OR10Z1: variants seen among roughly 807,000 people sequenced by gnomAD.
OR10Z1 encodes olfactory receptor 10Z1.
For missense variants in OR10Z1, 468 were observed against 371.0 expected (o/e 1.26, Z -2.15); for synonymous variants, 187 against 151.2 (o/e 1.24, Z -1.74).
At position 158,611,252 on chromosome 1, in the gene OR10Z1, A is replaced by C; in HGVS notation, c.*3872A>C. 2 of 1,613,344 alleles carry C rather than the reference A, an allele frequency of 1.2e-6. No homozygotes were observed. Among genetic ancestry groups the C allele is most frequent in the Non-Finnish European group, 1.7e-6 (2 of 1,179,542 alleles). ...ACACTAAGATTTTCTACGATCCACGAGGAGCTGCTTATTAGTTGCCAAAGT... is the reference window on the plus strand; with the variant it reads ...ACACTAAGATTTTCTACGATCCACGCGGAGCTGCTTATTAGTTGCCAAAGT... On this transcript the variant is annotated 3_prime_UTR_variant, in exon 2 of 2. Coordinates refer to ENST00000641002, the MANE Select transcript of OR10Z1 (RefSeq NM_001004478.2).
In OR10Z1 at chr1:158,606,445, C is replaced by T; in HGVS notation, c.7C>T (p.Gln3Ter). The change falls in exon 2 of 2, where the codon CAG (glutamine) becomes TAG (stop). Residue 3 changes from glutamine (Q) to a stop codon, truncating the protein, a stop_gained. Coordinates refer to ENST00000641002, the MANE Select transcript of OR10Z1 (RefSeq NM_001004478.2). LOFTEE classifies it low-confidence loss of function (END_TRUNC). Reference sequence around the variant, plus strand: ...CAGGGATATACCTCTCAGAATGGGGCAGACCAACGTAACCTCCTGGAGGGA... The same window carrying T: ...CAGGGATATACCTCTCAGAATGGGGTAGACCAACGTAACCTCCTGGAGGGA... MG[Q>*]TNVTSWRDFV... The T allele has an allele frequency of 6.2e-7, 1 of 1,610,056 alleles. No homozygotes were observed. Among genetic ancestry groups the T allele is most frequent in the Non-Finnish European group, 8.5e-7 (1 of 1,177,110 alleles).
chr1:158,608,409 A>C lies in OR10Z1; in HGVS notation c.*1029A>C, dbSNP rs1054730632. On this transcript the variant is annotated 3_prime_UTR_variant, in exon 2 of 2. Transcript: ENST00000641002. ...TTCAACTTACTAGCTGTGTGACTCT[A>C]GGTAAGTTATTTAACATTTTTTTCA... is the stretch of plus-strand genomic sequence containing the variant. 2.0e-5 allele frequency: 3 copies of C among 152,014 alleles called. No individual in the cohort carries two copies. Among genetic ancestry groups the C allele is most frequent in the Non-Finnish European group, 4.4e-5 (3 of 68,020 alleles). The allele number at this position is 152,014 out of a possible 1,614,324, so 9.4% of individuals were successfully genotyped here.
chr1:158,606,301 T>A, intron 1 of OR10Z1, 25 bp from the exon 2 acceptor site: 2 of 624,596 alleles, frequency 3.2e-6, no homozygotes, highest in Non-Finnish European at 5.7e-6. Context: ...TTGAGTAGAG[T>A]CTAAATCAGA....
At position 158,606,510 on chromosome 1, in the gene OR10Z1, G is replaced by A. The variant is rs368624732; in HGVS notation, c.72G>A (p.Gln24=). 5.7e-5 allele frequency: 92 copies of A among 1,613,844 alleles called. No individual in the cohort carries two copies. Among genetic ancestry groups the A allele is most frequent in the Non-Finnish European group, 7.5e-5 (89 of 1,179,914 alleles). ...GCTTCTCCAGTTCTGGGGAGTTGCA[G>A]CTCCTTCTCTTTGCCTTGTTCCTCT... is the stretch of plus-strand genomic sequence containing the variant. The part of the protein sequence containing the change: ...FLGFSSSGEL[Q]LLLFALFLSL... Residue 24 remains glutamine (Q), a synonymous_variant, in exon 2 of 2, where the codon CAG becomes CAA. Coordinates refer to ENST00000641002, the MANE Select transcript of OR10Z1 (RefSeq NM_001004478.2).
chr1:158,605,895 A>T (rs748660532), intron 1 of OR10Z1, among the ~76,000 whole-genome samples: 6 of 152,180 alleles, frequency 3.9e-5, no homozygotes, highest in Non-Finnish European at 7.4e-5. Flanking sequence ...GTGTGTCCAT[A>T]TGTGTATTCT....
Position 158,607,593 on chromosome 1 carries a change from C to A in OR10Z1, c.*213C>A. ...CTCACTGTGCACAACTCAAAATGAG[C>A]CCAAAATCTGAATTTTAACTTTCAG... On this transcript the variant is annotated 3_prime_UTR_variant, in exon 2 of 2. Transcript: ENST00000641002. 7.1e-6 allele frequency: 3 copies of A among 419,912 alleles called. No individual in the cohort carries two copies. The highest frequency in any genetic ancestry group is 3.9e-5 in the Admixed American group (1 of 25,668). The allele number at this position is 419,912 out of a possible 1,614,324, so 26.0% of individuals were successfully genotyped here. A position where few individuals can be genotyped will look rare whatever the true frequency, so the allele number is the denominator to read the frequency against.
chr1:158,606,431 C>A lies in OR10Z1; in HGVS notation c.-8C>A. On this transcript the variant is annotated 5_prime_UTR_variant, in exon 2 of 2. Transcript: ENST00000641002. ...ATCAACAAATCTATCAGGGATATAC[C>A]TCTCAGAATGGGGCAGACCAACGTA... The A allele has an allele frequency of 1.3e-6, 2 of 1,589,794 alleles. No homozygotes were observed. Among genetic ancestry groups the A allele is most frequent in the Non-Finnish European group, 8.6e-7 (1 of 1,160,570 alleles).
rs1343315476 is a variant in OR10Z1, at chr1:158,607,150, T to G, written c.712T>G (p.Phe238Val). The G allele has an allele frequency of 9.3e-6, 15 of 1,614,080 alleles. No homozygotes were observed. The highest frequency in any genetic ancestry group is 1.1e-5 in the Non-Finnish European group (13 of 1,179,974). Reference sequence around the variant, plus strand: ...CTCTGCTGAGGGGCAGAAGAAGGCCTTCTCCACTTGTGCCTCGCACCTTAC... The same window carrying G: ...CTCTGCTGAGGGGCAGAAGAAGGCCGTCTCCACTTGTGCCTCGCACCTTAC... ...IPSAEGQKKAFSTCASHLTVV... is the reference protein window; with the variant it reads ...IPSAEGQKKAVSTCASHLTVV... Residue 238 changes from phenylalanine to valine, a missense_variant, in exon 2 of 2, where the codon TTC (phenylalanine) becomes GTC (valine). By Grantham distance (50) the Phe-to-Val change is conservative. Transcript: ENST00000641002.
chr1:158,608,450 C>T lies in OR10Z1; in HGVS notation c.*1070C>T, dbSNP rs1649117993. ...ATTTTTTTCAGCTTCCGAGTCTTATCTTTACAATGGTTGGTGACTAAACAG... is the reference window on the plus strand; with the variant it reads ...ATTTTTTTCAGCTTCCGAGTCTTATTTTTACAATGGTTGGTGACTAAACAG... On this transcript the variant is annotated 3_prime_UTR_variant, in exon 2 of 2. Transcript: ENST00000641002. 6.6e-6 allele frequency: 1 copy of T among 152,056 alleles called. No individual in the cohort carries two copies. Among genetic ancestry groups the T allele is most frequent in the Admixed American group, 6.6e-5 (1 of 15,252 alleles). The allele number at this position is 152,056 out of a possible 1,614,324, so 9.4% of individuals were successfully genotyped here.
rs1649165542 is a variant in OR10Z1, at chr1:158,609,972, C to T, written c.*2592C>T. 6.6e-6 allele frequency: 1 copy of T among 152,112 alleles called. No individual in the cohort carries two copies. The highest frequency in any genetic ancestry group is 1.5e-5 in the Non-Finnish European group (1 of 68,014). 9.4% of individuals were successfully genotyped at this position (152,112 alleles called of 1,614,324 possible). On this transcript the variant is annotated 3_prime_UTR_variant, in exon 2 of 2. Coordinates refer to ENST00000641002, the MANE Select transcript of OR10Z1 (RefSeq NM_001004478.2). Reference sequence around the variant, plus strand: ...TAATTTTCGATGGCCTATATCTTTTCTAACTGTACTATTTTTGGTAACTTA... The same window carrying T: ...TAATTTTCGATGGCCTATATCTTTTTTAACTGTACTATTTTTGGTAACTTA...
Position 158,611,738 on chromosome 1 carries a change from C to A in OR10Z1, c.*4358C>A. On this transcript the variant is annotated 3_prime_UTR_variant, in exon 2 of 2. Transcript: ENST00000641002. ...GGCTGCTTTGAGATGTGGGGACTAG[C>A]ATGTTTTATGAGTAAGGTAAAATAC... 1 of 260,242 alleles carries A rather than the reference C, an allele frequency of 3.8e-6. No individual in the cohort carries two copies. Among genetic ancestry groups the A allele is most frequent in the Non-Finnish European group, 7.5e-6 (1 of 133,184 alleles). 16.1% of individuals were successfully genotyped at this position (260,242 alleles called of 1,614,324 possible). A position where few individuals can be genotyped will look rare whatever the true frequency, so the allele number is the denominator to read the frequency against.
At position 158,606,707 on chromosome 1, in the gene OR10Z1, A is replaced by T. The variant is rs1649059269; in HGVS notation, c.269A>T (p.Gln90Leu). ...CTCTCTGGCCTGGCTGGGGGGGACCAGGCTATCTCCTATGTGGGCTGTGCT... is the reference window on the plus strand; with the variant it reads ...CTCTCTGGCCTGGCTGGGGGGGACCTGGCTATCTCCTATGTGGGCTGTGCT... ...RMLSGLAGGD[Q>L]AISYVGCAAQ... Residue 90 changes from glutamine to leucine, a missense_variant, in exon 2 of 2, where the codon CAG (glutamine) becomes CTG (leucine). Gln to Leu is a moderately radical substitution (Grantham distance 113, BLOSUM62 -2). Transcript: ENST00000641002. The T allele has an allele frequency of 6.2e-7, 1 of 1,614,096 alleles. No homozygotes were observed. The highest frequency in any genetic ancestry group is 1.3e-5 in the African/African-American group (1 of 75,036).
rs1000112504 is a variant in OR10Z1 at position 158,605,290 on chromosome 1, A to G, written c.-225A>G. ...CTCAGAGTAGGAGATTTCAAGATGCATCTCAAGTCTTTCTCCTGTGGTCTA... is the reference window on the plus strand; with the variant it reads ...CTCAGAGTAGGAGATTTCAAGATGCGTCTCAAGTCTTTCTCCTGTGGTCTA... On this transcript the variant is annotated 5_prime_UTR_variant, in exon 1 of 2. Coordinates refer to ENST00000641002, the MANE Select transcript of OR10Z1 (RefSeq NM_001004478.2). The G allele has an allele frequency of 6.6e-6, 1 of 152,484 alleles. No homozygotes were observed. The highest frequency in any genetic ancestry group is 2.4e-5 in the African/African-American group (1 of 41,464). 9.4% of individuals were successfully genotyped at this position (152,484 alleles called of 1,614,324 possible).
At position 158,611,473 on chromosome 1, in the gene OR10Z1, T is replaced by C; in HGVS notation, c.*4093T>C. 6.5e-7 allele frequency: 1 copy of C among 1,528,320 alleles called. No individual in the cohort carries two copies. Among genetic ancestry groups the C allele is most frequent in the South Asian group, 1.1e-5 (1 of 87,966 alleles). 94.7% of individuals were successfully genotyped at this position (1,528,320 alleles called of 1,614,324 possible). ...GGGGCTTCCCATATTACGCCATAAA[T>C]GCAGGAGATGGAGAGTCTCTGGAAG... is the stretch of plus-strand genomic sequence containing the variant. On this transcript the variant is annotated 3_prime_UTR_variant, in exon 2 of 2. Transcript: ENST00000641002.
In OR10Z1 at chr1:158,611,459, T is replaced by C; in HGVS notation, c.*4079T>C. 6.3e-7 allele frequency: 1 copy of C among 1,582,706 alleles called. No individual in the cohort carries two copies. The highest frequency in any genetic ancestry group is 8.7e-7 in the Non-Finnish European group (1 of 1,155,078). On this transcript the variant is annotated 3_prime_UTR_variant, in exon 2 of 2. Transcript: ENST00000641002. ...ATAGCTGGTTCCTTGGGGCTTCCCA[T>C]ATTACGCCATAAATGCAGGAGATGG...
At position 158,611,044 on chromosome 1, in the gene OR10Z1, ACTC is replaced by A; in HGVS notation, c.*3669_*3671del. 3.5e-6 allele frequency: 2 copies of A among 575,284 alleles called. No homozygotes were observed. The highest frequency in any genetic ancestry group is 3.9e-5 in the South Asian group (2 of 50,646). The allele number at this position is 575,284 out of a possible 1,614,324, so 35.6% of individuals were successfully genotyped here. A position where few individuals can be genotyped will look rare whatever the true frequency, so the allele number is the denominator to read the frequency against. On this transcript the variant is annotated 3_prime_UTR_variant, in exon 2 of 2. Coordinates refer to ENST00000641002, the MANE Select transcript of OR10Z1 (RefSeq NM_001004478.2). ...ACTAGTTGCATACAAAATAGCTTCC[ACTC>A]CTCCAACTCTATTAACCTTTCTATC... is the stretch of plus-strand genomic sequence containing the variant.
rs969540196 is a variant in OR10Z1 at position 158,609,925 on chromosome 1, T to C, written c.*2545T>C. Reference sequence around the variant, plus strand: ...ATAGTTTTAGACTATCCATATGTGGTAAGTGTGATATTAAACAATGCTAAT... The same window carrying C: ...ATAGTTTTAGACTATCCATATGTGGCAAGTGTGATATTAAACAATGCTAAT... On this transcript the variant is annotated 3_prime_UTR_variant, in exon 2 of 2. Coordinates refer to ENST00000641002, the MANE Select transcript of OR10Z1 (RefSeq NM_001004478.2). 5.3e-5 allele frequency: 8 copies of C among 152,298 alleles called. No individual in the cohort carries two copies. Among genetic ancestry groups the C allele is most frequent in the South Asian group, 2.1e-4 (1 of 4,826 alleles). 9.4% of individuals were successfully genotyped at this position (152,298 alleles called of 1,614,324 possible).
chr1:158,607,470 C>A lies in OR10Z1; in HGVS notation c.*90C>A. The stretch of plus-strand genomic sequence containing the variant: ...GGGCCAGGTATTCAAGGCCTCAGGC[C>A]AAAGCTGTCCTACCCCCAATCTTCT... On this transcript the variant is annotated 3_prime_UTR_variant, in exon 2 of 2. Transcript: ENST00000641002. 1 of 941,040 alleles carries A rather than the reference C, an allele frequency of 1.1e-6. No individual in the cohort carries two copies. The highest frequency in any genetic ancestry group is 1.6e-6 in the Non-Finnish European group (1 of 617,454). The allele number at this position is 941,040 out of a possible 1,614,324, so 58.3% of individuals were successfully genotyped here. A position where few individuals can be genotyped will look rare whatever the true frequency, so the allele number is the denominator to read the frequency against.
chr1:158,606,453 C>T lies in OR10Z1; in HGVS notation c.15C>T (p.Asn5=), dbSNP rs140704584. 4.2e-4 allele frequency: 671 copies of T among 1,612,390 alleles called. No homozygotes were observed. Among genetic ancestry groups the T allele is most frequent in the Non-Finnish European group, 5.1e-4 (602 of 1,178,826 alleles). The part of the protein sequence containing the change: MGQT[N]VTSWRDFVFL... ...TACCTCTCAGAATGGGGCAGACCAACGTAACCTCCTGGAGGGATTTTGTCT... is the reference window on the plus strand; with the variant it reads ...TACCTCTCAGAATGGGGCAGACCAATGTAACCTCCTGGAGGGATTTTGTCT... Residue 5 remains asparagine, a synonymous_variant, in exon 2 of 2, where the codon AAC becomes AAT. Coordinates refer to ENST00000641002, the MANE Select transcript of OR10Z1 (RefSeq NM_001004478.2).
Sources: allele counts gnomAD v4.1 joint callset (sites outside exome capture counted in the v4.1 genomes callset), GRCh38; gene constraint gnomAD v4.1.1; transcripts MANE v1.5; gene names NCBI Gene and HGNC (gene_info 2026-07-23, HGNC 2026-07-21).